EHD2: variants seen among roughly 807,000 people sequenced by gnomAD.
The protein encoded by EHD2 is EH domain-containing protein 2.
A neutral mutation model predicts 41.0 loss-of-function variants in EHD2; 27 were observed. The ratio of observed to expected loss-of-function variants is 0.66; its 90% CI spans 0.49 to 0.91. The LOEUF is 0.91. Among genes scored for constraint, EHD2 ranks in the 40% least tolerant of loss-of-function variants. The pLI, the probability that EHD2 is intolerant of heterozygous loss-of-function variation, is 0.00. For synonymous variants in EHD2, 342 were observed against 341.0 expected (o/e 1.00, Z -0.03); for missense variants, 673 against 773.9 (o/e 0.87, Z 1.55).
chr19:47,728,661 C>A (rs558588614), intron 4 of EHD2, among the ~76,000 whole-genome samples: 2 of 151,944 alleles, frequency 1.3e-5, no homozygotes, highest in African/African-American at 4.8e-5. Context: ...CTCCACCTCC[C>A]GGGTTCAAGC....
chr19:47,734,743 T>A (rs926657694), intron 4 of EHD2, among the ~76,000 whole-genome samples: 15 of 147,240 alleles, frequency 1.0e-4, no homozygotes, highest in African/African-American at 3.3e-4. Flanking sequence ...AGACTCCCTT[T>A]CAAAAAGAAA....
chr19:47,736,012 A>C (rs1313449501), intron 4 of EHD2, among the ~76,000 whole-genome samples: 1 of 152,128 alleles, frequency 6.6e-6, no homozygotes, highest in East Asian at 1.9e-4. Flanking sequence ...CCTGACCAGC[A>C]TGGTGAAACC....
At chr19:47,739,597 CAAAAAAAAA>C (rs869157023) in intron 5 of EHD2, among the ~76,000 whole-genome samples, 3 of 60,714 alleles carry the variant, frequency 4.9e-5, no homozygotes, top group Non-Finnish European at 7.0e-5. Flanking sequence ...CGAAACTCGT[CAAAAAAAAA>C]AAAAAAAAAA....
chr19:47,723,283 C>T (rs1014744354), intron 3 of EHD2, among the ~76,000 whole-genome samples: 1 of 152,170 alleles, frequency 6.6e-6, no homozygotes, highest in African/African-American at 2.4e-5. Context: ...GTGACATCAC[C>T]ATGACTTGCT....
chr19:47,739,414 A>G (rs1966961339), intron 5 of EHD2, among the ~76,000 whole-genome samples: 1 of 148,568 alleles, frequency 6.7e-6, no homozygotes, highest in South Asian at 2.2e-4. Flanking sequence ...CAGCCTGGCC[A>G]ACATGGCGAA....
intron 4 of EHD2, 141 bp downstream of exon 4, chr19:47,726,365 G>T: frequency 4.9e-6 from 5 of 1,020,900 alleles, no homozygotes; most frequent in Non-Finnish European, 5.4e-6. Context: ...ACAGAGTGAA[G>T]CCGGGAGGAA....
intron 3 of EHD2, among the ~76,000 whole-genome samples, chr19:47,721,660 C>G (rs576675867): frequency 6.6e-6 from 1 of 152,032 alleles, no homozygotes; most frequent in Non-Finnish European, 1.5e-5. Context: ...GCCACTTAAC[C>G]TCTCTTTGCC....
At position 47,719,279 on chromosome 19, in the gene EHD2, G is replaced by C. The variant is rs1163076800; in HGVS notation, c.502+673G>C. Among the ~76,000 whole-genome samples, 4 of 152,214 alleles carry C rather than the reference G, an allele frequency of 2.6e-5. No homozygotes were observed. In the East Asian group the frequency reaches 7.8e-4, roughly 30 times the overall value. ...GGAGATGAGGCAGAGCCTGGGCAGGGGAGGCAGAGCCCGGGCAGGGGAGGC... is the reference window on the plus strand; with the variant it reads ...GGAGATGAGGCAGAGCCTGGGCAGGCGAGGCAGAGCCCGGGCAGGGGAGGC... On this transcript the variant is annotated intron_variant, in intron 3 of 5. Transcript: ENST00000263277. The surrounding 1 kb of genome is among the most constrained non-coding windows in gnomAD (Gnocchi z 4.1).
At chr19:47,718,358 A>G (rs1038943380) in intron 2 of EHD2, 151 bp from the exon 3 acceptor site, 1 of 570,838 alleles carries the variant, frequency 1.8e-6, no homozygotes, top group Admixed American at 2.6e-5. Context: ...TAACTCTGAG[A>G]TGGTCCTGGT....
At chr19:47,732,415 G>T (rs1966882752) in intron 4 of EHD2, among the ~76,000 whole-genome samples, 1 of 150,336 alleles carries the variant, frequency 6.7e-6, no homozygotes, top group Admixed American at 6.7e-5. Context: ...CACCGCGCCT[G>T]GCCTATTTAT....
At position 47,719,314 on chromosome 19, in the gene EHD2, C is replaced by T. The variant is rs1452741055; in HGVS notation, c.502+708C>T. ...CCCGGGCAGGGGAGGCTGGGCCCTGCGAGCTCCTGGCTCTGCGTCTGGGCC... is the reference window on the plus strand; with the variant it reads ...CCCGGGCAGGGGAGGCTGGGCCCTGTGAGCTCCTGGCTCTGCGTCTGGGCC... On this transcript the variant is annotated intron_variant, in intron 3 of 5. Transcript: ENST00000263277. This position sits in a 1 kb window ranked among gnomAD's most constrained non-coding sequence, Gnocchi z 4.1. Among the ~76,000 whole-genome samples the T allele has an allele frequency of 3.3e-5, 5 of 151,740 alleles. No individual in the cohort carries two copies. Among genetic ancestry groups the T allele is most frequent in the South Asian group, 4.2e-4 (2 of 4,790 alleles).
chr19:47,725,612 A>T (rs891455764), intron 3 of EHD2, among the ~76,000 whole-genome samples, 200 bp from the exon 4 acceptor site: 4 of 152,114 alleles, frequency 2.6e-5, no homozygotes. Flanking sequence ...GCGAGGGGGG[A>T]AATTCTGGGC....
intron 4 of EHD2, among the ~76,000 whole-genome samples, chr19:47,728,662 G>A (rs572466870): frequency 1.3e-5 from 2 of 150,346 alleles, no homozygotes; most frequent in South Asian, 2.1e-4. Context: ...TCCACCTCCC[G>A]GGTTCAAGCG....
At chr19:47,722,009 A>AACACACACACAC (rs201572396) in intron 3 of EHD2, among the ~76,000 whole-genome samples, 7 of 130,652 alleles carry the variant, frequency 5.4e-5, no homozygotes, top group Non-Finnish European at 9.9e-5. Flanking sequence ...AGAAAAACAA[A>AACACACACACAC]ACACACACAC....
intron 5 of EHD2, 93 bp from the exon 6 acceptor site, chr19:47,740,788 C>CT (rs34197064): frequency 0.67 from 919,069 of 1,369,496 alleles, 317,798 homozygotes; most frequent in South Asian, 0.72. Flanking sequence ...CAGCTACCCC[C>CT]GAGCTTCTCC....
At position 47,718,594 on chromosome 19, in the gene EHD2, A is replaced by T; in HGVS notation, c.490A>T (p.Arg164Ter). 2 of 1,564,922 alleles carry T rather than the reference A, an allele frequency of 1.3e-6. No individual in the cohort carries two copies. The highest frequency in any genetic ancestry group is 1.7e-6 in the Non-Finnish European group (2 of 1,153,892). Reference sequence around the variant, plus strand: ...GGGTATCCTGTCGGGTGCCAAGCAGAGAGTGAGCCGCGGTGAGTGGGGCCA... The same window carrying T: ...GGGTATCCTGTCGGGTGCCAAGCAGTGAGTGAGCCGCGGTGAGTGGGGCCA... ...TPGILSGAKQ[R>*]VSRGYDFPAV... is the part of the protein sequence containing the mutation. The change falls in exon 3 of 6, where the codon AGA becomes TGA. Residue 164 changes from arginine (R) to a stop codon, truncating the protein, a stop_gained. Transcript: ENST00000263277. LOFTEE classifies it high-confidence loss of function.
rs1197139347 is a variant in EHD2, at chr19:47,741,681, T to A, written c.*249T>A. 3 of 629,610 alleles carry A rather than the reference T, an allele frequency of 4.8e-6. No individual in the cohort carries two copies. Among genetic ancestry groups the A allele is most frequent in the Non-Finnish European group, 5.7e-6 (2 of 352,718 alleles). The allele number at this position is 629,610 out of a possible 1,614,324, so 39.0% of individuals were successfully genotyped here. A position where few individuals can be genotyped will look rare whatever the true frequency, so the allele number is the denominator to read the frequency against. On this transcript the variant is annotated 3_prime_UTR_variant, in exon 6 of 6. Coordinates refer to ENST00000263277, the MANE Select transcript of EHD2 (RefSeq NM_014601.4). The surrounding 1 kb of genome is among the most constrained non-coding windows in gnomAD (Gnocchi z 4.5). ...TCACTTAGGCACATCACACACACAC[T>A]GGCACACGCAGGCATCCATCCATCC...
intron 3 of EHD2, among the ~76,000 whole-genome samples, chr19:47,722,531 T>C (rs1192930217): frequency 3.3e-5 from 5 of 151,442 alleles, no homozygotes; most frequent in Non-Finnish European, 7.4e-5. Context: ...TGTCGCCTCT[T>C]ACCTGTGTGT....
chr19:47,715,453 G>T (rs1036761560), intron 1 of EHD2, among the ~76,000 whole-genome samples: 3 of 152,040 alleles, frequency 2.0e-5, no homozygotes, highest in Admixed American at 6.6e-5. Flanking sequence ...CTGGTGCTGT[G>T]GTCTGTTTCT....
Sources: allele counts gnomAD v4.1 joint callset (sites outside exome capture counted in the v4.1 genomes callset), GRCh38; gene constraint gnomAD v4.1.1; non-coding constraint Gnocchi (gnomAD v3.1); transcripts MANE v1.5; gene names NCBI Gene and HGNC (gene_info 2026-07-23, HGNC 2026-07-21).